Variants in CACNB2 observed in about 807,000 individuals in gnomAD.
The protein encoded by CACNB2 is voltage-dependent L-type calcium channel subunit beta-2.
A neutral mutation model predicts 73.3 loss-of-function variants in CACNB2; 42 were observed. That is an observed-to-expected ratio of 0.57 (90% CI 0.45 to 0.74). CACNB2 has a LOEUF of 0.74. CACNB2 is among the 30% of genes least tolerant of loss of function. CACNB2 has a pLI of 0.00. For missense variants in CACNB2, 940 were observed against 853.0 expected, an observed-to-expected ratio of 1.10 and a Z score of -1.27; for synonymous variants, 348 against 310.3, an observed-to-expected ratio of 1.12 and a Z score of -1.28.
intron 3 of CACNB2, among the ~76,000 whole-genome samples, chr10:18,480,756 C>G (rs1306624849): frequency 2.0e-5 from 3 of 152,142 alleles, no homozygotes; most frequent in African/African-American, 7.2e-5. Flanking sequence ...ACGAATTTAT[C>G]CCCTGCTGGT....
intron 2 of CACNB2, among the ~76,000 whole-genome samples, chr10:18,265,712 A>G (rs966396822): frequency 6.6e-6 from 1 of 150,420 alleles, no homozygotes; most frequent in African/African-American, 2.4e-5. Flanking sequence ...CACCCATATA[A>G]TCAGGATAAT....
chr10:18,440,882 G>C (rs912872371), intron 3 of CACNB2, among the ~76,000 whole-genome samples: 2 of 152,210 alleles, frequency 1.3e-5, no homozygotes, highest in Non-Finnish European at 2.9e-5. Context: ...TGCAGGCCAT[G>C]GGGAAGCCTT....
chr10:18,180,725 G>C (rs1025015276), intron 2 of CACNB2, among the ~76,000 whole-genome samples: 10 of 152,124 alleles, frequency 6.6e-5, no homozygotes, highest in African/African-American at 2.4e-4. Flanking sequence ...CTAGCACTTT[G>C]GGAGGCACGG....
chr10:18,159,469 G>A (rs1327689791), intron 2 of CACNB2, among the ~76,000 whole-genome samples: 2 of 152,174 alleles, frequency 1.3e-5, no homozygotes, highest in African/African-American at 2.4e-5. Flanking sequence ...TGGTTGTAAC[G>A]AAATTATCCT....
chr10:18,210,754 C>G (rs1274750686), intron 2 of CACNB2, among the ~76,000 whole-genome samples: 2 of 152,184 alleles, frequency 1.3e-5, no homozygotes, highest in Non-Finnish European at 2.9e-5. Flanking sequence ...AATGTTTCCT[C>G]TCAACCTGTC....
intron 2 of CACNB2, among the ~76,000 whole-genome samples, chr10:18,310,225 T>A (rs2039904631): frequency 6.6e-6 from 1 of 152,202 alleles, no homozygotes; most frequent in Admixed American, 6.5e-5. Context: ...CTTAACATCT[T>A]TTATCCTCTC....
chr10:18,257,657 C>G (rs1012471514), intron 2 of CACNB2, among the ~76,000 whole-genome samples: 2 of 152,194 alleles, frequency 1.3e-5, no homozygotes, highest in African/African-American at 4.8e-5. Context: ...CCCAAGTGTC[C>G]TCATCTTTGT....
chr10:18,159,644 A>T (rs2032314173), intron 2 of CACNB2, among the ~76,000 whole-genome samples: 1 of 152,204 alleles, frequency 6.6e-6, no homozygotes, highest in Non-Finnish European at 1.5e-5. Context: ...CTTTTATATT[A>T]GTTCAAATTG....
intron 2 of CACNB2, among the ~76,000 whole-genome samples, chr10:18,342,499 C>G (rs2041272698): frequency 6.6e-6 from 1 of 152,138 alleles, no homozygotes; most frequent in African/African-American, 2.4e-5. Flanking sequence ...ATTTATCCTA[C>G]AATTAATTTT....
intron 4 of CACNB2, among the ~76,000 whole-genome samples, 165 bp from the exon 5 acceptor site, chr10:18,500,647 C>T (rs1009398305): frequency 4.6e-5 from 7 of 152,140 alleles, no homozygotes; most frequent in Non-Finnish European, 1.0e-4. Flanking sequence ...ACGCTAAATG[C>T]ATTTCTTACA....
chr10:18,165,210 T>C (rs892685071), intron 2 of CACNB2, among the ~76,000 whole-genome samples: 7 of 152,116 alleles, frequency 4.6e-5, no homozygotes, highest in African/African-American at 1.7e-4. Flanking sequence ...AGTTGAAATG[T>C]TCTAGGAGAA....
chr10:18,498,348 A>G lies in CACNB2; in HGVS notation c.334-7A>G. 1 of 1,614,048 alleles carries G rather than the reference A, an allele frequency of 6.2e-7. No individual in the cohort carries two copies. Among genetic ancestry groups the G allele is most frequent in the Non-Finnish European group, 8.5e-7 (1 of 1,179,946 alleles). The stretch of plus-strand genomic sequence containing the variant: ...TATTTTTTTCCCTCTTCCTTTTCCC[A>G]CTTTAGACAAAGCCCGTTGCATTTG... On this transcript the variant is annotated splice_region_variant and splice_polypyrimidine_tract_variant and intron_variant, in intron 3 of 13. Transcript: ENST00000324631.
chr10:18,311,360 C>T (rs1185743024), intron 2 of CACNB2, among the ~76,000 whole-genome samples: 2 of 152,106 alleles, frequency 1.3e-5, no homozygotes, highest in Admixed American at 1.3e-4. Flanking sequence ...GCAGCTGCGG[C>T]TCCATGTAGA....
At chr10:18,181,380 A>G (rs1405406800) in intron 2 of CACNB2, among the ~76,000 whole-genome samples, 1 of 152,074 alleles carries the variant, frequency 6.6e-6, no homozygotes, top group Non-Finnish European at 1.5e-5. Context: ...CTCAATCTTA[A>G]TAGTGAGAAG....
intron 2 of CACNB2, among the ~76,000 whole-genome samples, chr10:18,152,194 G>A (rs1294047178): frequency 6.6e-6 from 1 of 152,074 alleles, no homozygotes; most frequent in African/African-American, 2.4e-5. Context: ...GTCCTTAGAC[G>A]AAGGATGATC....
chr10:18,516,178 G>A (rs2051259014), intron 7 of CACNB2, among the ~76,000 whole-genome samples: 1 of 151,924 alleles, frequency 6.6e-6, no homozygotes, highest in Non-Finnish European at 1.5e-5. Flanking sequence ...CCATGCCACT[G>A]CACTCCGGCC....
At chr10:18,267,756 A>T (rs143695370) in intron 2 of CACNB2, among the ~76,000 whole-genome samples, 134 of 152,354 alleles carry the variant, frequency 8.8e-4, no homozygotes, top group African/African-American at 3.1e-3. Context: ...GTTCAGGGTC[A>T]TGGGACCCTC....
intron 2 of CACNB2, among the ~76,000 whole-genome samples, chr10:18,197,239 A>T (rs1377954853): frequency 6.6e-6 from 1 of 152,146 alleles, no homozygotes; most frequent in Non-Finnish European, 1.5e-5. Context: ...CACTCAGTAA[A>T]TGCTTCCTGA....
chr10:18,220,793 C>T (rs10828321), intron 2 of CACNB2, among the ~76,000 whole-genome samples: 2,057 of 152,190 alleles, frequency 0.014, 48 homozygotes, highest in East Asian at 0.11. Context: ...CCAGGTTGCG[C>T]GTTCCTTATG....
Sources: gnomAD v4.1 joint callset for allele counts (sites outside exome capture counted in the v4.1 genomes callset) on GRCh38, gnomAD v4.1.1 for gene constraint, MANE v1.5 for transcripts, NCBI Gene and HGNC (gene_info 2026-07-23, HGNC 2026-07-21) for gene names.